Variants in GFM2 observed in about 807,000 individuals in gnomAD.
The protein encoded by GFM2 is GTP dependent ribosome recycling factor mitochondrial 2, also known as ribosome-releasing factor 2, mitochondrial.
In GFM2, 72 loss-of-function variants were observed where a neutral mutation model predicts 95.4. The ratio of observed to expected loss-of-function variants is 0.76; its 90% CI spans 0.62 to 0.92. The LOEUF (loss-of-function observed/expected upper bound fraction) is 0.92. Among genes scored for constraint, GFM2 ranks in the 40% least tolerant of loss-of-function variants. The pLI is 0.00. For missense variants in GFM2, 825 were observed against 924.1 expected, an observed-to-expected ratio of 0.89 and a Z score of 1.39; for synonymous variants, 276 against 317.5, an observed-to-expected ratio of 0.87 and a Z score of 1.39.
Position 74,746,051 on chromosome 5 carries a change from C to T in GFM2, c.669+54G>A. On this transcript the variant is annotated intron_variant, in intron 9 of 20. Transcript: ENST00000296805. ...AGCTTTGGAAATGTATATATTGTCACAAAATAAATTAATGAGGAAACTGAG... is the reference window on the plus strand; with the variant it reads ...AGCTTTGGAAATGTATATATTGTCATAAAATAAATTAATGAGGAAACTGAG... The T allele has an allele frequency of 3.1e-6, 4 of 1,299,140 alleles. No homozygotes were observed. In the South Asian group the frequency reaches 5.5e-5, roughly 18 times the overall value. The allele number at this position is 1,299,140 out of a possible 1,614,324, so 80.5% of individuals were successfully genotyped here. A position where few individuals can be genotyped will look rare whatever the true frequency, so the allele number is the denominator to read the frequency against.
At chr5:74,741,322 T>C (rs1384126529) in intron 11 of GFM2, among the ~76,000 whole-genome samples, 2 of 152,266 alleles carry the variant, frequency 1.3e-5, no homozygotes, top group Non-Finnish European at 2.9e-5. Context: ...TTTTTAATTT[T>C]GTAAAGTATA....
At chr5:74,766,570 T>C (rs1744626508) in intron 1 of GFM2, among the ~76,000 whole-genome samples, 1 of 152,180 alleles carries the variant, frequency 6.6e-6, no homozygotes. Context: ...TTTGATTCGG[T>C]GCACCAAAAT....
At chr5:74,761,110 T>C (rs146779240) in intron 2 of GFM2, 124 bp from the exon 3 acceptor site, 1 of 598,138 alleles carries the variant, frequency 1.7e-6, no homozygotes, top group East Asian at 2.9e-5. Context: ...GTAGTCCTAA[T>C]TTATTAACTC....
intron 20 of GFM2, among the ~76,000 whole-genome samples, 159 bp from the exon 21 acceptor site, chr5:74,721,942 T>C (rs1282829162): frequency 6.6e-6 from 1 of 152,212 alleles, no homozygotes; most frequent in Non-Finnish European, 1.5e-5. Context: ...TTTTTCAGGG[T>C]AAGTTGGATA....
intron 15 of GFM2, among the ~76,000 whole-genome samples, chr5:74,733,658 G>C (rs1236686521): frequency 1.3e-5 from 2 of 152,156 alleles, no homozygotes; most frequent in Non-Finnish European, 2.9e-5. Context: ...GTAAGGTCTT[G>C]TAGGCCATGA....
intron 2 of GFM2, among the ~76,000 whole-genome samples, chr5:74,762,248 A>G (rs754001108): frequency 6.6e-6 from 1 of 152,164 alleles, no homozygotes; most frequent in African/African-American, 2.4e-5. Flanking sequence ...GTTCTCCCAT[A>G]CAGCAGTCAC....
chr5:74,758,534 G>A (rs545369269), intron 5 of GFM2, among the ~76,000 whole-genome samples: 93 of 152,240 alleles, frequency 6.1e-4, no homozygotes, highest in Non-Finnish European at 1.0e-3. Context: ...AGATAGCTAC[G>A]GGGACTGCTA....
chr5:74,721,246 GATATT>G lies in GFM2; in HGVS notation c.*404_*408del, dbSNP rs1324855433. ...TTTATTTTGAAATCATGTAAAATAA[GATATT>G]AGACTGTTTTTTGAATAAAATATTT... On this transcript the variant is annotated 3_prime_UTR_variant, in exon 21 of 21. Coordinates refer to ENST00000296805, the MANE Select transcript of GFM2 (RefSeq NM_032380.5). 2.5e-6 allele frequency: 3 copies of G among 1,187,524 alleles called. No homozygotes were observed. The highest frequency in any genetic ancestry group is 3.8e-6 in the Non-Finnish European group (3 of 794,564). 73.6% of individuals were successfully genotyped at this position (1,187,524 alleles called of 1,614,324 possible).
chr5:74,738,469 C>T (rs1346026326), intron 13 of GFM2, 33 bp downstream of exon 13: 2 of 1,610,760 alleles, frequency 1.2e-6, no homozygotes, highest in Admixed American at 1.7e-5. Context: ...GAAGTGCATA[C>T]AGTTTTATAA....
chr5:74,747,288 A>T (rs527501112), intron 8 of GFM2, among the ~76,000 whole-genome samples: 1 of 152,326 alleles, frequency 6.6e-6, no homozygotes, highest in African/African-American at 2.4e-5. Flanking sequence ...AAATCAGAGA[A>T]TATGGAAGAA....
chr5:74,729,676 G>A (rs988551809), intron 17 of GFM2, among the ~76,000 whole-genome samples: 1 of 135,590 alleles, frequency 7.4e-6, no homozygotes, highest in Non-Finnish European at 1.5e-5. Context: ...TATCCTAAAC[G>A]TCTTTTTTTT....
intron 10 of GFM2, among the ~76,000 whole-genome samples, chr5:74,743,438 C>T (rs7732440): frequency 0.16 from 24,406 of 152,090 alleles, 2,382 homozygotes; most frequent in African/African-American, 0.27. Context: ...ACAGTAGGCA[C>T]CCTAATGGGT....
rs548011266 is a variant in GFM2 at position 74,743,599 on chromosome 5, G to C, written c.850-1990C>G. ...GACCATGAGACATGGGCAAGTGTGT[G>C]TTGGCTCCTCAACTAGATTACAAGA... On this transcript the variant is annotated intron_variant, in intron 10 of 20. Coordinates refer to ENST00000296805, the MANE Select transcript of GFM2 (RefSeq NM_032380.5). 9.2e-5 allele frequency among the ~76,000 whole-genome samples: 14 copies of C among 152,250 alleles called. 1 individual carries two copies. The South Asian group carries it at 2.5e-3, about 27-fold the overall frequency.
Position 74,735,097 on chromosome 5 carries a change from C to T in GFM2, c.1510+1699G>A, listed in dbSNP as rs1374694. On this transcript the variant is annotated intron_variant, in intron 15 of 20. Coordinates refer to ENST00000296805, the MANE Select transcript of GFM2 (RefSeq NM_032380.5). ...AAATGCCTGGCCACTCCTGATACAA[C>T]CAGCTTGGTTAACTTTGATATACTT... 2.3e-3 allele frequency among the ~76,000 whole-genome samples: 351 copies of T among 152,324 alleles called. 2 individuals are homozygous for T. The highest frequency in any genetic ancestry group is 3.9e-3 in the Non-Finnish European group (268 of 68,014).
chr5:74,722,603 A>G (rs1347673121), intron 19 of GFM2, 42 bp from the exon 20 acceptor site: 5 of 1,526,792 alleles, frequency 3.3e-6, no homozygotes. Flanking sequence ...TCATAAATAA[A>G]AACTTAAAAT....
intron 7 of GFM2, among the ~76,000 whole-genome samples, chr5:74,749,823 T>C (rs941393751): frequency 2.2e-4 from 33 of 152,332 alleles, no homozygotes; most frequent in Admixed American, 3.9e-4. Context: ...AATCAACTTT[T>C]GTTATTTATG....
rs145136703 is a variant in GFM2, at chr5:74,739,679, A to G, written c.1079+310T>C. 8.2e-3 allele frequency among the ~76,000 whole-genome samples: 1,249 copies of G among 152,276 alleles called. 5 individuals carry two copies. The highest frequency in any genetic ancestry group is 0.013 in the Non-Finnish European group (854 of 68,002). ...GAAAAATCCTGAAATCCAGATGAATATAACTATAGAATATTTAACAAACAT... is the reference window on the plus strand; with the variant it reads ...GAAAAATCCTGAAATCCAGATGAATGTAACTATAGAATATTTAACAAACAT... On this transcript the variant is annotated intron_variant, in intron 12 of 20. Transcript: ENST00000296805.
chr5:74,759,317 G>A, intron 4 of GFM2, 52 bp downstream of exon 4: 1 of 1,066,732 alleles, frequency 9.4e-7, no homozygotes, highest in Non-Finnish European at 1.4e-6. Context: ...GAAAAAACCT[G>A]TAAATTTTCG....
In GFM2 at chr5:74,736,950, G is replaced by A. The variant is rs1742865454; in HGVS notation, c.1356C>T (p.Ser452=). The A allele has an allele frequency of 1.2e-6, 2 of 1,613,494 alleles. No homozygotes were observed. The highest frequency in any genetic ancestry group is 2.7e-5 in the African/African-American group (2 of 74,864). Residue 452 remains serine, a synonymous_variant, in exon 15 of 21, where the codon TCC becomes TCT. Coordinates refer to ENST00000296805, the MANE Select transcript of GFM2 (RefSeq NM_032380.5). ...CTCTACGAGCTGCAGCTAATGCACTGGACTTGGATGAGACAATGGTGTCTC... is the reference window on the plus strand; with the variant it reads ...CTCTACGAGCTGCAGCTAATGCACTAGACTTGGATGAGACAATGGTGTCTC... The part of the protein sequence containing the change: ...ATGDTIVSSK[S]SALAAARRAE...
Sources: allele counts gnomAD v4.1 joint callset (sites outside exome capture counted in the v4.1 genomes callset), GRCh38; gene constraint gnomAD v4.1.1; transcripts MANE v1.5; gene names NCBI Gene and HGNC (gene_info 2026-07-23, HGNC 2026-07-21).